Variants in SMG7 observed in about 807,000 individuals in gnomAD.
The protein encoded by SMG7 is nonsense-mediated mRNA decay factor SMG7.
In SMG7, 34 loss-of-function variants were observed where a neutral mutation model predicts 148.2. That is an observed-to-expected ratio of 0.23 (90% CI 0.17 to 0.31). The LOEUF (loss-of-function observed/expected upper bound fraction) is 0.31. Ranked by LOEUF, SMG7 falls within the 10% of genes least tolerant of loss-of-function variation. The pLI is 1.00. For missense variants in SMG7, 1,114 were observed against 1,408.4 expected, an observed-to-expected ratio of 0.79 and a Z score of 3.35; for synonymous variants, 492 against 515.1, an observed-to-expected ratio of 0.96 and a Z score of 0.61.
intron 1 of SMG7, among the ~76,000 whole-genome samples, chr1:183,508,493 A>AT (rs1013514552): frequency 1.3e-5 from 2 of 152,018 alleles, no homozygotes; most frequent in African/African-American, 4.8e-5. Context: ...TGCCTGGCCT[A>AT]TTTTTTTCTT....
chr1:183,519,362 A>G (rs1272156411), intron 4 of SMG7, among the ~76,000 whole-genome samples: 1 of 151,982 alleles, frequency 6.6e-6, no homozygotes, highest in Non-Finnish European at 1.5e-5. Context: ...GCAGCAACCA[A>G]AAAGTTGATA....
At chr1:183,538,518 A>C (rs1668196900) in intron 12 of SMG7, 78 bp downstream of exon 12, 5 of 976,556 alleles carry the variant, frequency 5.1e-6, no homozygotes, top group Non-Finnish European at 8.3e-6. Flanking sequence ...GCTTGGATGT[A>C]GAGGAACCTT....
intron 4 of SMG7, among the ~76,000 whole-genome samples, chr1:183,523,348 T>G (rs943620616): frequency 6.6e-6 from 1 of 152,178 alleles, no homozygotes; most frequent in African/African-American, 2.4e-5. Context: ...TCACTACCTC[T>G]GTGGTGCTTA....
chr1:183,531,384 G>A (rs1666825001), intron 8 of SMG7, among the ~76,000 whole-genome samples: 1 of 152,074 alleles, frequency 6.6e-6, no homozygotes, highest in African/African-American at 2.4e-5. Flanking sequence ...AACTGTAGTT[G>A]AAAGTTTGAG....
chr1:183,481,663 C>T (rs1394414647), intron 1 of SMG7, among the ~76,000 whole-genome samples: 1 of 152,038 alleles, frequency 6.6e-6, no homozygotes, highest in African/African-American at 2.4e-5. Context: ...ATAGTGGCTC[C>T]TGAGGGAGAC....
At chr1:183,482,258 C>T (rs1654336706) in intron 1 of SMG7, among the ~76,000 whole-genome samples, 1 of 151,670 alleles carries the variant, frequency 6.6e-6, no homozygotes, top group Admixed American at 6.6e-5. Context: ...TTCAGTGAAC[C>T]TGGTCATTAA....
chr1:183,495,851 A>T (rs956344705), intron 1 of SMG7, among the ~76,000 whole-genome samples: 1 of 152,006 alleles, frequency 6.6e-6, no homozygotes, highest in African/African-American at 2.4e-5. Flanking sequence ...CTAGGTGACG[A>T]GCAAGACCTT....
At chr1:183,484,942 A>C (rs527611773) in intron 1 of SMG7, among the ~76,000 whole-genome samples, 1 of 152,244 alleles carries the variant, frequency 6.6e-6, no homozygotes, top group Non-Finnish European at 1.5e-5. Context: ...CAGTTCTGAC[A>C]TTGAGGCTTG....
intron 1 of SMG7, among the ~76,000 whole-genome samples, chr1:183,490,350 A>T (rs1656640209): frequency 6.6e-6 from 1 of 152,314 alleles, no homozygotes; most frequent in East Asian, 1.9e-4. Flanking sequence ...AGTACATTTT[A>T]TGTTTTGGGC....
chr1:183,483,783 C>G (rs1012021437), intron 1 of SMG7, among the ~76,000 whole-genome samples: 4 of 151,900 alleles, frequency 2.6e-5, no homozygotes, highest in Admixed American at 2.6e-4. Context: ...TTTTAAGAAC[C>G]ACAACTCAAA....
chr1:183,541,177 C>G, intron 13 of SMG7, 74 bp downstream of exon 13: 1 of 1,217,544 alleles, frequency 8.2e-7, no homozygotes, highest in Non-Finnish European at 1.2e-6. Context: ...CACGCGCGCG[C>G]ACACACACAC....
At chr1:183,486,442 A>T (rs1233898581) in intron 1 of SMG7, among the ~76,000 whole-genome samples, 1 of 152,116 alleles carries the variant, frequency 6.6e-6, no homozygotes, top group African/African-American at 2.4e-5. Context: ...ACGGATTCTT[A>T]CTTTGTTGCC....
At chr1:183,541,172 GCGCGCACACACACA>G in intron 13 of SMG7, 69 bp downstream of exon 13, 5 of 1,361,492 alleles carry the variant, frequency 3.7e-6, no homozygotes, top group Non-Finnish European at 5.2e-6. Flanking sequence ...GCGCACACGC[GCGCGCACACACACA>G]CATCTCATAT....
chr1:183,542,147 A>T lies in SMG7; in HGVS notation c.1487A>T (p.Asp496Val). Residue 496 changes from aspartate to valine, a missense_variant, in exon 14 of 23, where the codon GAC (aspartate) becomes GTC (valine). This residue lies in a region of SMG7 where 788 missense variants were observed against 894.5 expected (regional missense o/e 0.88). Coordinates refer to ENST00000688051, the MANE Select transcript of SMG7 (RefSeq NM_001375584.1). ...GAAATCCCAGAATTAATACTGGAAG[A>T]CCCCAGTGAAGCCAAAGAGAACCTC... Reference protein sequence around the residue: ...ITEIPELILEDPSEAKENLIL... With the variant: ...ITEIPELILEVPSEAKENLIL... 2 of 1,613,934 alleles carry T rather than the reference A, an allele frequency of 1.2e-6. No individual in the cohort carries two copies. The highest frequency in any genetic ancestry group is 1.7e-6 in the Non-Finnish European group (2 of 1,179,790).
At chr1:183,518,552 A>T (rs1419968626) in intron 4 of SMG7, 1 of 152,176 alleles carries the variant, frequency 6.6e-6, no homozygotes, top group Non-Finnish European at 1.5e-5. Context: ...ATTTATCTGG[A>T]TTTTGAGATG....
chr1:183,545,299 C>G lies in SMG7; in HGVS notation c.2357C>G (p.Ser786Cys). The stretch of plus-strand genomic sequence containing the variant: ...TTGGGGAAAAGCCCGCCTCACCACT[C>G]TGGATTCCAGCAGGTAAGTTACAGT... Reference protein sequence around the residue: ...PALGKSPPHHSGFQQYQQADA... With the variant: ...PALGKSPPHHCGFQQYQQADA... Residue 786 changes from serine to cysteine, a missense_variant, in exon 16 of 23, where the codon TCT (serine) becomes TGT (cysteine). By Grantham distance (112) the Ser-to-Cys change is moderately radical. Transcript: ENST00000688051. 1 of 1,609,576 alleles carries G rather than the reference C, an allele frequency of 6.2e-7. No homozygotes were observed. Among genetic ancestry groups the G allele is most frequent in the East Asian group, 2.2e-5 (1 of 44,878 alleles).
At position 183,526,665 on chromosome 1, in the gene SMG7, A is replaced by T. The variant is rs1665932398; in HGVS notation, c.382A>T (p.Ile128Phe). ...CCGTGTGAAGTCTTCCCAATTGGGAATTATCAGCAATAAACAGACGCATAC... is the reference window on the plus strand; with the variant it reads ...CCGTGTGAAGTCTTCCCAATTGGGATTTATCAGCAATAAACAGACGCATAC... ...PCRVKSSQLG[I>F]ISNKQTHTSA... Residue 128 changes from isoleucine to phenylalanine, a missense_variant, in exon 5 of 23, where the codon ATT (isoleucine) becomes TTT (phenylalanine). Ile to Phe is a conservative substitution (Grantham distance 21). Coordinates refer to ENST00000688051, the MANE Select transcript of SMG7 (RefSeq NM_001375584.1). The T allele has an allele frequency of 1.9e-6, 3 of 1,613,490 alleles. No individual in the cohort carries two copies. The Admixed American group carries it at 5.0e-5, about 27-fold the overall frequency.
At chr1:183,512,808 CTTTTTTT>C (rs59379855) in intron 1 of SMG7, 22 bp from the exon 2 acceptor site, 65 of 1,279,126 alleles carry the variant, frequency 5.1e-5, no homozygotes, top group Admixed American at 8.6e-5. Flanking sequence ...AACTGATACT[CTTTTTTT>C]TTTTTTTTTT....
At chr1:183,541,186 A>G (rs762802425) in intron 13 of SMG7, 83 bp downstream of exon 13, 57 of 1,203,610 alleles carry the variant, frequency 4.7e-5, no homozygotes, top group Admixed American at 3.3e-4. Context: ...GCACACACAC[A>G]CATCTCATAT....
Sources: gnomAD v4.1 joint callset for allele counts (sites outside exome capture counted in the v4.1 genomes callset) on GRCh38, gnomAD v4.1.1 for gene constraint, gnomAD v4.1.1 regional missense constraint, MANE v1.5 for transcripts, NCBI Gene and HGNC (gene_info 2026-07-23, HGNC 2026-07-21) for gene names.